The following MAP7 variants were observed in gnomAD, a reference collection of about 807,000 sequenced individuals.
MAP7 encodes ensconsin.
In MAP7, 52 loss-of-function variants were observed where a neutral mutation model predicts 94.8. The ratio of observed to expected loss-of-function variants is 0.55; its 90% confidence interval spans 0.44 to 0.69. The LOEUF (loss-of-function observed/expected upper bound fraction) is 0.69. Ranked by LOEUF, MAP7 falls within the 30% of genes least tolerant of loss-of-function variation. The pLI, the probability that MAP7 is intolerant of heterozygous loss-of-function variation, is 0.00. For synonymous variants in MAP7, 350 were observed against 357.0 expected (o/e 0.98, Z 0.22); for missense variants, 940 against 964.6 (o/e 0.97, Z 0.34).
At chr6:136,351,396 G>A (rs1048069734) in intron 16 of MAP7, among the ~76,000 whole-genome samples, 1 of 152,150 alleles carries the variant, frequency 6.6e-6, no homozygotes. Context: ...ATTTTAGGAG[G>A]ATAAAGATAA....
chr6:136,511,533 C>G (rs1823285728), intron 1 of MAP7, among the ~76,000 whole-genome samples: 2 of 152,040 alleles, frequency 1.3e-5, no homozygotes, highest in Non-Finnish European at 2.9e-5. Context: ...AAAAGAGAAG[C>G]ATAAAAGGAA....
chr6:136,389,791 G>C (rs1009619326), intron 3 of MAP7, among the ~76,000 whole-genome samples: 3 of 152,130 alleles, frequency 2.0e-5, no homozygotes, highest in African/African-American at 4.8e-5. Flanking sequence ...TTTGTAGGTA[G>C]AATAAGGCAT....
intron 3 of MAP7, among the ~76,000 whole-genome samples, chr6:136,394,715 C>T (rs968832494): frequency 7.9e-5 from 12 of 150,986 alleles, no homozygotes; most frequent in African/African-American, 2.9e-4. Flanking sequence ...ACCTCTTTAA[C>T]CTCCCCCCCA....
At chr6:136,463,462 T>C (rs1027064233) in intron 1 of MAP7, among the ~76,000 whole-genome samples, 1 of 152,238 alleles carries the variant, frequency 6.6e-6, no homozygotes, top group African/African-American at 2.4e-5. Flanking sequence ...CTAACCAATA[T>C]GCTACAATGT....
At chr6:136,423,782 G>T (rs1276634437) in intron 1 of MAP7, among the ~76,000 whole-genome samples, 1 of 136,138 alleles carries the variant, frequency 7.3e-6, no homozygotes, top group South Asian at 2.2e-4. Flanking sequence ...AGGGAGTTGT[G>T]TTTTTTTTTT....
At chr6:136,401,148 A>G (rs1287294390) in intron 3 of MAP7, among the ~76,000 whole-genome samples, 10 of 152,186 alleles carry the variant, frequency 6.6e-5, no homozygotes, top group Admixed American at 5.2e-4. Flanking sequence ...CAGGAGTTTG[A>G]GACTAGCATG....
intron 1 of MAP7, among the ~76,000 whole-genome samples, chr6:136,546,867 G>T (rs1230351993): frequency 6.6e-6 from 1 of 152,128 alleles, no homozygotes; most frequent in Non-Finnish European, 1.5e-5. Context: ...AAATGCCAGT[G>T]TAAATAAACT....
At chr6:136,518,237 A>T (rs1202455766) in intron 1 of MAP7, among the ~76,000 whole-genome samples, 1 of 152,196 alleles carries the variant, frequency 6.6e-6, no homozygotes, top group Non-Finnish European at 1.5e-5. Context: ...ATTCAAGATC[A>T]AAACTGTTAG....
intron 4 of MAP7, 100 bp from the exon 5 acceptor site, chr6:136,388,610 CACTCT>C (rs1779822235): frequency 1.1e-6 from 1 of 873,484 alleles, no homozygotes; most frequent in Non-Finnish European, 1.9e-6. Context: ...CTTCAATTCC[CACTCT>C]ACTATTCTTG....
At chr6:136,482,698 C>T (rs988074344) in intron 1 of MAP7, among the ~76,000 whole-genome samples, 8 of 151,898 alleles carry the variant, frequency 5.3e-5, no homozygotes, top group Admixed American at 3.9e-4. Flanking sequence ...ATGGTAGGCA[C>T]GATAAAGAAA....
chr6:136,344,658 GC>G (rs1411242158), intron 17 of MAP7, among the ~76,000 whole-genome samples: 1 of 152,134 alleles, frequency 6.6e-6, no homozygotes, highest in Non-Finnish European at 1.5e-5. Flanking sequence ...GCTGCACTGG[GC>G]ATGTTTCCAT....
intron 1 of MAP7, among the ~76,000 whole-genome samples, chr6:136,464,237 C>G (rs1431643144): frequency 1.3e-5 from 2 of 152,166 alleles, no homozygotes; most frequent in Non-Finnish European, 2.9e-5. Flanking sequence ...TGCATGCTGA[C>G]TTTCTTTTCT....
At chr6:136,383,881 C>A in intron 5 of MAP7, 100 bp from the exon 6 acceptor site, 2 of 712,372 alleles carry the variant, frequency 2.8e-6, no homozygotes, top group Non-Finnish European at 4.9e-6. Context: ...ATGCTTTCTG[C>A]TCTATTTCTA....
chr6:136,471,718 G>A (rs922947657), intron 1 of MAP7, among the ~76,000 whole-genome samples: 5 of 151,296 alleles, frequency 3.3e-5, no homozygotes, highest in South Asian at 2.1e-4. Context: ...TCTTGCACGC[G>A]GTCCTTGAAT....
At chr6:136,478,064 G>T (rs2128956288) in intron 1 of MAP7, among the ~76,000 whole-genome samples, 1 of 152,250 alleles carries the variant, frequency 6.6e-6, no homozygotes, top group South Asian at 2.1e-4. Context: ...TGACCAGTGG[G>T]TCAATGAACT....
intron 1 of MAP7, among the ~76,000 whole-genome samples, chr6:136,518,750 C>T (rs1029869425): frequency 2.6e-5 from 4 of 152,168 alleles, no homozygotes; most frequent in Non-Finnish European, 5.9e-5. Context: ...CTTGGAGACA[C>T]ACAGATGTTA....
At chr6:136,465,900 T>C (rs1467912561) in intron 1 of MAP7, among the ~76,000 whole-genome samples, 1 of 152,168 alleles carries the variant, frequency 6.6e-6, no homozygotes, top group East Asian at 1.9e-4. Context: ...GCAAATGTTA[T>C]CTGTGAAAAT....
intron 3 of MAP7, among the ~76,000 whole-genome samples, chr6:136,393,705 A>T (rs1230889364): frequency 1.3e-5 from 2 of 151,934 alleles, no homozygotes; most frequent in African/African-American, 4.8e-5. Context: ...GTGTCATCAC[A>T]GCTCATTGCA....
intron 1 of MAP7, among the ~76,000 whole-genome samples, chr6:136,435,846 T>C (rs1259808339): frequency 6.6e-6 from 1 of 152,216 alleles, no homozygotes; most frequent in Non-Finnish European, 1.5e-5. Context: ...CATTATACCA[T>C]TAAAGTAGAA....
Sources: gnomAD v4.1 joint callset for allele counts (sites outside exome capture counted in the v4.1 genomes callset) on GRCh38, gnomAD v4.1.1 for gene constraint, MANE v1.5 for transcripts, NCBI Gene and HGNC (gene_info 2026-07-23, HGNC 2026-07-21) for gene names.